The following COBL variants were observed in gnomAD, a reference collection of about 807,000 sequenced individuals.
The protein encoded by COBL is cordon-bleu WH2 repeat protein, also known as protein cordon-bleu.
COBL carries 51 observed loss-of-function variants against 98.8 expected under a neutral mutation model. That is an observed-to-expected ratio of 0.52 (90% confidence interval 0.41 to 0.65). COBL has a LOEUF of 0.65. Ranked by LOEUF, COBL falls within the 30% of genes least tolerant of loss-of-function variation. The pLI is 0.00. For synonymous variants in COBL, 634 were observed against 651.7 expected (o/e 0.97, Z 0.41); for missense variants, 1,617 against 1,617.5 (o/e 1.00, Z 0.01).
At chr7:51,213,347 C>T (rs999761576) in intron 2 of COBL, among the ~76,000 whole-genome samples, 10 of 152,216 alleles carry the variant, frequency 6.6e-5, no homozygotes, top group African/African-American at 2.4e-4. Context: ...CAGTGGCATT[C>T]GATTCTCATA....
intron 5 of COBL, among the ~76,000 whole-genome samples, chr7:51,173,224 CA>C (rs1788055582): frequency 6.6e-6 from 1 of 152,018 alleles, no homozygotes; most frequent in Non-Finnish European, 1.5e-5. Context: ...CTCTGTTGCC[CA>C]GGTTGGAGTG....
chr7:51,078,135 C>T (rs1793263718), intron 7 of COBL, among the ~76,000 whole-genome samples: 1 of 152,176 alleles, frequency 6.6e-6, no homozygotes, highest in Admixed American at 6.5e-5. Flanking sequence ...GACCCCATCC[C>T]CGTCTGCCAG....
intron 1 of COBL, among the ~76,000 whole-genome samples, chr7:51,247,559 A>T (rs1352917999): frequency 6.6e-6 from 1 of 152,198 alleles, no homozygotes; most frequent in African/African-American, 2.4e-5. Flanking sequence ...CTGGACAGGT[A>T]GGGACAAGGT....
intron 1 of COBL, among the ~76,000 whole-genome samples, chr7:51,226,712 G>GT (rs1414398360): frequency 1.3e-5 from 2 of 152,150 alleles, no homozygotes; most frequent in Non-Finnish European, 2.9e-5. Flanking sequence ...TGCAGAACTG[G>GT]TTACCAAAGA....
At chr7:51,187,903 G>A in intron 4 of COBL, 1 of 1,232,348 alleles carries the variant, frequency 8.1e-7, no homozygotes, top group South Asian at 4.1e-5. Context: ...GAAGCCCCAG[G>A]TTCACTGTAC....
intron 5 of COBL, among the ~76,000 whole-genome samples, chr7:51,177,545 G>A (rs940603517): frequency 2.6e-5 from 4 of 152,168 alleles, no homozygotes; most frequent in South Asian, 2.1e-4. Context: ...GGGCTGAGGC[G>A]GGCAGATCAC....
intron 5 of COBL, among the ~76,000 whole-genome samples, chr7:51,180,956 A>C (rs1246208123): frequency 6.6e-6 from 1 of 152,226 alleles, no homozygotes; most frequent in Non-Finnish European, 1.5e-5. Flanking sequence ...CTTCTGAGAA[A>C]ACTAAAATGG....
intron 1 of COBL, among the ~76,000 whole-genome samples, chr7:51,294,893 T>C (rs1393320828): frequency 6.6e-6 from 1 of 152,040 alleles, no homozygotes; most frequent in African/African-American, 2.4e-5. Context: ...TTAAAAAATA[T>C]TGCCCAATTA....
intron 1 of COBL, among the ~76,000 whole-genome samples, chr7:51,221,526 ATTGTT>A (rs1383907169): frequency 6.6e-6 from 1 of 152,226 alleles, no homozygotes; most frequent in East Asian, 1.9e-4. Context: ...CTAAAAGTAT[ATTGTT>A]TTATGTGCAA....
rs867024368 is a variant in COBL, at chr7:51,184,186, T to C, written c.699A>G (p.Lys233=). The part of the protein sequence containing the change: ...AWDNRRETFR[K]SSLGNDETDK... ...CTGTCTCATCATTGCCAAGTGATGA[T>C]TTCCTAAAGGTTTCTGGAAAAAAAA... The change falls in exon 5 of 13, where the codon AAA becomes AAG. Residue 233 remains lysine (K), a synonymous_variant. Transcript: ENST00000265136. 5 of 1,556,910 alleles carry C rather than the reference T, an allele frequency of 3.2e-6. 1 individual carries two copies. In the Middle Eastern group the frequency reaches 8.5e-4, roughly 264 times the overall value.
chr7:51,304,066 T>C (rs546198351), intron 1 of COBL, among the ~76,000 whole-genome samples: 193 of 152,248 alleles, frequency 1.3e-3, no homozygotes, highest in African/African-American at 4.4e-3. Flanking sequence ...CACTCACTGG[T>C]CCAACAGTCA....
At chr7:51,097,487 A>C (rs569270513) in intron 6 of COBL, among the ~76,000 whole-genome samples, 1 of 152,312 alleles carries the variant, frequency 6.6e-6, no homozygotes, top group East Asian at 1.9e-4. Flanking sequence ...AGGCATCTAA[A>C]TTGAAAACGG....
chr7:51,075,334 T>A (rs1792965789), intron 7 of COBL, among the ~76,000 whole-genome samples: 1 of 152,226 alleles, frequency 6.6e-6, no homozygotes, highest in Non-Finnish European at 1.5e-5. Context: ...GATGGTTGAT[T>A]TCCTGCTATT....
intron 10 of COBL, 136 bp from the exon 11 acceptor site, chr7:51,026,801 G>T: frequency 8.9e-7 from 1 of 1,125,454 alleles, no homozygotes; most frequent in Non-Finnish European, 1.3e-6. Flanking sequence ...GGGAGGCTGT[G>T]GCACCAGAAT....
At chr7:51,159,609 G>T (rs528453217) in intron 5 of COBL, among the ~76,000 whole-genome samples, 1 of 152,236 alleles carries the variant, frequency 6.6e-6, no homozygotes, top group East Asian at 1.9e-4. Context: ...GGGAACATAC[G>T]GAAAACCAGT....
intron 1 of COBL, among the ~76,000 whole-genome samples, chr7:51,276,810 T>C (rs1056081812): frequency 6.6e-6 from 1 of 152,154 alleles, no homozygotes; most frequent in Non-Finnish European, 1.5e-5. Flanking sequence ...AGCTGGACGC[T>C]GGTGTTGGCT....
At chr7:51,043,875 C>G (rs1254198440) in intron 7 of COBL, among the ~76,000 whole-genome samples, 183 bp from the exon 8 acceptor site, 1 of 152,216 alleles carries the variant, frequency 6.6e-6, no homozygotes, top group Non-Finnish European at 1.5e-5. Context: ...CACAGGGAGT[C>G]ATTTGTGTAA....
intron 1 of COBL, among the ~76,000 whole-genome samples, chr7:51,258,564 C>G (rs550942769): frequency 6.6e-6 from 1 of 152,208 alleles, no homozygotes; most frequent in East Asian, 1.9e-4. Context: ...TTTCTTTGAC[C>G]CTTCCTTTCC....
At chr7:51,312,843 T>C (rs1057330693) in intron 1 of COBL, among the ~76,000 whole-genome samples, 7 of 152,204 alleles carry the variant, frequency 4.6e-5, no homozygotes, top group East Asian at 1.9e-4. Context: ...CAAATACCTT[T>C]GTAACAAATT....
Sources: allele counts gnomAD v4.1 joint callset (sites outside exome capture counted in the v4.1 genomes callset), GRCh38; gene constraint gnomAD v4.1.1; transcripts MANE v1.5; gene names NCBI Gene and HGNC (gene_info 2026-07-23, HGNC 2026-07-21).